The following FBXO17 variants were observed in gnomAD, a reference collection of about 807,000 sequenced individuals.
FBXO17 encodes the protein F-box protein 17.
Under a neutral mutation model 34.1 loss-of-function variants are expected in FBXO17, and 43 were observed. The observed-to-expected ratio is 1.26, with a 90% CI of 0.99 to 1.62. The LOEUF is 1.62. Among genes scored for constraint, FBXO17 ranks in the 40% most tolerant of loss-of-function variants. The pLI, the probability that FBXO17 is intolerant of heterozygous loss-of-function variation, is 0.00. For missense variants in FBXO17, 424 were observed against 386.7 expected, an observed-to-expected ratio of 1.10 and a Z score of -0.81; for synonymous variants, 169 against 166.0, an observed-to-expected ratio of 1.02 and a Z score of -0.14.
chr19:38,971,884 T>C (rs116367821), intron 1 of FBXO17, among the ~76,000 whole-genome samples: 2,035 of 152,084 alleles, frequency 0.013, 54 homozygotes, highest in African/African-American at 0.043. Context: ...GTTAAGGAGA[T>C]GCCTTCACAG....
intron 2 of FBXO17, 180 bp downstream of exon 2, chr19:38,949,791 C>T: frequency 2.6e-6 from 2 of 762,562 alleles, no homozygotes; most frequent in Non-Finnish European, 4.0e-6. Context: ...TTCCCGGCTT[C>T]ACCTTCTCCA....
intron 5 of FBXO17, 168 bp downstream of exon 5, chr19:38,944,801 T>C: frequency 2.2e-6 from 2 of 901,220 alleles, no homozygotes; most frequent in Non-Finnish European, 3.4e-6. Context: ...AATGAATCGA[T>C]ATGTAAGCGT....
rs752472609 is a variant in FBXO17, at chr19:38,950,157, C to T, written c.163G>A (p.Gly55Arg). The T allele has an allele frequency of 7.0e-6, 11 of 1,561,948 alleles. No individual in the cohort carries two copies. Among genetic ancestry groups the T allele is most frequent in the Admixed American group, 5.5e-5 (3 of 54,700 alleles). Residue 55 changes from glycine (G) to arginine (R), a missense_variant, in exon 2 of 6, where the codon GGG becomes AGG. Transcript: ENST00000292852. ...AGCTGCAGCAGCCACACAGTGGGCC[C>T]GTCCACTATGTCGCGCCAGGCGCGG... Reference protein sequence around the residue: ...VCRAWRDIVDGPTVWLLQLAR... With the variant: ...VCRAWRDIVDRPTVWLLQLAR...
chr19:38,949,943 C>A (rs777314325), intron 2 of FBXO17, 28 bp downstream of exon 2: 71 of 1,487,910 alleles, frequency 4.8e-5, no homozygotes, highest in Non-Finnish European at 6.1e-5. Context: ...CCCCCCTCAG[C>A]CTCCTGGGCC....
At chr19:38,970,500 G>A (rs1225969450) in intron 1 of FBXO17, among the ~76,000 whole-genome samples, 1 of 152,096 alleles carries the variant, frequency 6.6e-6, no homozygotes, top group East Asian at 1.9e-4. Context: ...GAGCCACCAC[G>A]GCTGGCCCTT....
At chr19:38,966,796 C>CTT (rs1045341032) in intron 1 of FBXO17, among the ~76,000 whole-genome samples, 1 of 152,130 alleles carries the variant, frequency 6.6e-6, no homozygotes, top group African/African-American at 2.4e-5. Flanking sequence ...GCTTTACTTA[C>CTT]GGGTTTTCTT....
At chr19:38,944,046 C>T (rs1354838023) in intron 5 of FBXO17, among the ~76,000 whole-genome samples, 1 of 152,310 alleles carries the variant, frequency 6.6e-6, no homozygotes. Flanking sequence ...CCCTGGCAGT[C>T]GCCAATCTTC....
intron 1 of FBXO17, among the ~76,000 whole-genome samples, chr19:38,973,822 A>T (rs924121347): frequency 7.9e-5 from 12 of 151,580 alleles, no homozygotes; most frequent in South Asian, 2.1e-4. Context: ...CACAAAAAAT[A>T]AAAAAATTAG....
At chr19:38,966,034 G>A (rs1196794443) in intron 1 of FBXO17, among the ~76,000 whole-genome samples, 1 of 151,918 alleles carries the variant, frequency 6.6e-6, no homozygotes, top group Non-Finnish European at 1.5e-5. Flanking sequence ...GCAGTGGCGT[G>A]ATCTTGGCTC....
chr19:38,949,957 C>A lies in FBXO17; in HGVS notation c.349+14G>T. The stretch of plus-strand genomic sequence containing the variant: ...GCCCCCCTCAGCCTCCTGGGCCCCG[C>A]CCCCGTCACCCACGCTCTCCGCAGG... On this transcript the variant is annotated intron_variant, in intron 2 of 5. Transcript: ENST00000292852. The A allele has an allele frequency of 1.3e-6, 2 of 1,520,782 alleles. No homozygotes were observed. Among genetic ancestry groups the A allele is most frequent in the Admixed American group, 2.1e-5 (1 of 48,758 alleles). 94.2% of individuals were successfully genotyped at this position (1,520,782 alleles called of 1,614,324 possible). A position where few individuals can be genotyped will look rare whatever the true frequency, so the allele number is the denominator to read the frequency against.
At chr19:38,966,261 T>C (rs996470339) in intron 1 of FBXO17, among the ~76,000 whole-genome samples, 4 of 150,844 alleles carry the variant, frequency 2.7e-5, no homozygotes, top group African/African-American at 7.3e-5. Context: ...TGAGCCACCA[T>C]GCCCGGCCAA....
intron 2 of FBXO17, 65 bp from the exon 3 acceptor site, chr19:38,948,743 CCA>C (rs1975026363): frequency 7.0e-7 from 1 of 1,429,284 alleles, no homozygotes; most frequent in Admixed American, 1.8e-5. Context: ...GACCCCGCAA[CCA>C]GCCAGCTTGT....
intron 4 of FBXO17, 179 bp from the exon 5 acceptor site, chr19:38,945,283 C>A: frequency 1.3e-6 from 1 of 793,870 alleles, no homozygotes; most frequent in Non-Finnish European, 1.9e-6. Context: ...GGGGTGGAAC[C>A]AGAGCCTGGC....
Position 38,950,255 on chromosome 19 carries a change from G to A in FBXO17, c.65C>T (p.Pro22Leu). Residue 22 changes from proline to leucine, a missense_variant, in exon 2 of 6, where the codon CCC becomes CTC. Transcript: ENST00000292852. ...ADPSLALDALPPELLVQVLSH... is the reference protein window; with the variant it reads ...ADPSLALDALLPELLVQVLSH... The stretch of plus-strand genomic sequence containing the variant: ...CAGCACCTGCACCAGCAGCTCCGGG[G>A]GCAGCGCGTCCAGGGCCAGGGATGG... The A allele has an allele frequency of 6.6e-7, 1 of 1,510,864 alleles. No individual in the cohort carries two copies. The highest frequency in any genetic ancestry group is 8.8e-7 in the Non-Finnish European group (1 of 1,137,564). 93.6% of individuals were successfully genotyped at this position (1,510,864 alleles called of 1,614,324 possible).
At position 38,941,999 on chromosome 19, in the gene FBXO17, GT is replaced by G. The variant is rs897091477; in HGVS notation, c.*608del. On this transcript the variant is annotated 3_prime_UTR_variant, in exon 6 of 6. Transcript: ENST00000292852. ...TATAAGCCCTCTCTTATAAATCCTG[GT>G]TTAGCCTTTGTTTTGTGACTGAGTC... 7.9e-5 allele frequency: 12 copies of G among 152,158 alleles called. No homozygotes were observed. The highest frequency in any genetic ancestry group is 2.4e-4 in the African/African-American group (10 of 41,498). The allele number at this position is 152,158 out of a possible 1,614,324, so 9.4% of individuals were successfully genotyped here. A position where few individuals can be genotyped will look rare whatever the true frequency, so the allele number is the denominator to read the frequency against.
chr19:38,965,653 C>T (rs572412815), intron 1 of FBXO17, among the ~76,000 whole-genome samples: 34 of 152,180 alleles, frequency 2.2e-4, no homozygotes, highest in African/African-American at 7.9e-4. Context: ...ATTACAGGCA[C>T]GAACCACCAA....
Position 38,944,985 on chromosome 19 carries a change from T to C in FBXO17, c.677A>G (p.Glu226Gly). Residue 226 changes from glutamate (E) to glycine (G), a missense_variant, in exon 5 of 6, where the codon GAG becomes GGG. Coordinates refer to ENST00000292852, the MANE Select transcript of FBXO17 (RefSeq NM_024907.7). The stretch of plus-strand genomic sequence containing the variant: ...TGGACCCACCTGTCGGCAGCCCCTC[T>C]CAGTCCACTGAAGGACCGGGTCAGG... ...ASPDPVLQWT[E>G]RGCRQVSHVF... is the part of the protein sequence containing the mutation. 6.2e-7 allele frequency: 1 copy of C among 1,614,170 alleles called. No homozygotes were observed. The highest frequency in any genetic ancestry group is 1.1e-5 in the South Asian group (1 of 91,082).
At chr19:38,966,296 TG>T (rs1398319165) in intron 1 of FBXO17, among the ~76,000 whole-genome samples, 3 of 116,976 alleles carry the variant, frequency 2.6e-5, no homozygotes, top group African/African-American at 1.2e-4. Flanking sequence ...AAAAATTTTG[TG>T]TGTGTGTGTG....
intron 1 of FBXO17, among the ~76,000 whole-genome samples, chr19:38,964,186 G>A (rs1975291037): frequency 6.6e-6 from 1 of 152,184 alleles, no homozygotes. Context: ...TTTCCAGCAT[G>A]ATTGTGCCAT....
Sources: allele counts gnomAD v4.1 joint callset (sites outside exome capture counted in the v4.1 genomes callset), GRCh38; gene constraint gnomAD v4.1.1; transcripts MANE v1.5; gene names NCBI Gene and HGNC (gene_info 2026-07-23, HGNC 2026-07-21).